Variants in CPEB3 observed in about 807,000 individuals in gnomAD.
CPEB3 encodes cytoplasmic polyadenylation element binding protein 3, also known as cytoplasmic polyadenylation element-binding protein 3.
A neutral mutation model predicts 67.2 loss-of-function variants in CPEB3; 20 were observed. The observed-to-expected ratio is 0.30, with a 90% CI of 0.21 to 0.43. The LOEUF is 0.43. Among genes scored for constraint, CPEB3 ranks in the 20% least tolerant of loss-of-function variants. The pLI is 1.00. For missense variants in CPEB3, 746 were observed against 968.6 expected, an observed-to-expected ratio of 0.77 and a Z score of 3.05; for synonymous variants, 376 against 393.1, an observed-to-expected ratio of 0.96 and a Z score of 0.51.
intron 4 of CPEB3, among the ~76,000 whole-genome samples, chr10:92,168,471 C>G (rs1156414906): frequency 6.6e-6 from 1 of 152,086 alleles, no homozygotes; most frequent in Admixed American, 6.6e-5. Context: ...TTCTAAATAG[C>G]TGATATGGTT....
chr10:92,047,820 G>A lies in CPEB3; in HGVS notation c.*4392C>T, dbSNP rs767570875. On this transcript the variant is annotated 3_prime_UTR_variant, in exon 10 of 10. Transcript: ENST00000265997. ...TATTGATGAACCTCGCCTCCATAGCGATGGAGCTGAAAGAGGCCATCAACC... is the reference window on the plus strand; with the variant it reads ...TATTGATGAACCTCGCCTCCATAGCAATGGAGCTGAAAGAGGCCATCAACC... 1.5e-4 allele frequency: 23 copies of A among 152,240 alleles called. No homozygotes were observed. Among genetic ancestry groups the A allele is most frequent in the Non-Finnish European group, 1.5e-5 (1 of 68,038 alleles). The allele number at this position is 152,240 out of a possible 1,614,324, so 9.4% of individuals were successfully genotyped here.
chr10:92,110,994 T>G (rs2133482193), intron 7 of CPEB3, 82 bp downstream of exon 7: 2 of 1,009,188 alleles, frequency 2.0e-6, no homozygotes, highest in Middle Eastern at 2.0e-4. Flanking sequence ...TTACCAGCAT[T>G]TCCATTATCA....
intron 1 of CPEB3, among the ~76,000 whole-genome samples, chr10:92,248,782 T>C (rs2134762149): frequency 6.6e-6 from 1 of 152,276 alleles, no homozygotes; most frequent in Admixed American, 6.5e-5. Flanking sequence ...AAATTGTTTC[T>C]CCAAGATTAT....
Position 92,228,447 on chromosome 10 carries a change from C to T in CPEB3, c.1005+10899G>A, listed in dbSNP as rs533387531. On this transcript the variant is annotated intron_variant, in intron 2 of 9. Coordinates refer to ENST00000265997, the MANE Select transcript of CPEB3 (RefSeq NM_014912.5). ...GGTGCTTCTAGATACATTTACCTCT[C>T]GTCTCCTTTAGTTGCTGCTTATCTG... Among the ~76,000 whole-genome samples the T allele has an allele frequency of 1.1e-3, 160 of 152,202 alleles. 1 individual carries two copies. The highest frequency in any genetic ancestry group is 3.7e-3 in the African/African-American group (155 of 41,542).
intron 4 of CPEB3, among the ~76,000 whole-genome samples, chr10:92,177,070 AAAAAAG>A (rs1397240958): frequency 3.3e-5 from 5 of 152,248 alleles, no homozygotes; most frequent in African/African-American, 9.6e-5. Flanking sequence ...CCTAGAATGT[AAAAAAG>A]AAAAAGAAAA....
chr10:92,226,894 G>C lies in CPEB3; in HGVS notation c.1005+12452C>G, dbSNP rs567471395. Among the ~76,000 whole-genome samples the C allele has an allele frequency of 3.8e-3, 572 of 152,010 alleles. 3 individuals are homozygous for C. Among genetic ancestry groups the C allele is most frequent in the Middle Eastern group, 0.02 (6 of 294 alleles). On this transcript the variant is annotated intron_variant, in intron 2 of 9. Transcript: ENST00000265997. ...GGGAAGGGATGGAGGGAACAGGGAG[G>C]GGGGAGCGAACCCAGATGTCCGCCC...
Position 92,049,655 on chromosome 10 carries a change from A to G in CPEB3, c.*2557T>C, listed in dbSNP as rs1852216973. On this transcript the variant is annotated 3_prime_UTR_variant, in exon 10 of 10. Coordinates refer to ENST00000265997, the MANE Select transcript of CPEB3 (RefSeq NM_014912.5). ...ATTCACAACTTTCAGCACCAAATGG[A>G]GTTTATTTTTTGTAACCTATTCTTC... The G allele has an allele frequency of 6.6e-6, 1 of 152,602 alleles. No individual in the cohort carries two copies. Among genetic ancestry groups the G allele is most frequent in the African/African-American group, 2.4e-5 (1 of 41,440 alleles). The allele number at this position is 152,602 out of a possible 1,614,324, so 9.5% of individuals were successfully genotyped here. A position where few individuals can be genotyped will look rare whatever the true frequency, so the allele number is the denominator to read the frequency against.
At chr10:92,242,281 T>C (rs1851884577) in intron 1 of CPEB3, among the ~76,000 whole-genome samples, 1 of 152,160 alleles carries the variant, frequency 6.6e-6, no homozygotes, top group African/African-American at 2.4e-5. Flanking sequence ...CAACTCAATA[T>C]AATATACAAC....
intron 6 of CPEB3, among the ~76,000 whole-genome samples, chr10:92,127,964 G>A (rs1263555320): frequency 6.6e-6 from 1 of 152,068 alleles, no homozygotes; most frequent in East Asian, 1.9e-4. Flanking sequence ...GAAGCAAAAA[G>A]GTAAGTTCAC....
intron 4 of CPEB3, among the ~76,000 whole-genome samples, chr10:92,168,005 T>C (rs1234495441): frequency 6.6e-5 from 10 of 152,114 alleles, no homozygotes; most frequent in Non-Finnish European, 4.4e-5. Context: ...TAAAATATTG[T>C]GAGAATTAAC....
chr10:92,061,681 G>A (rs958394205), intron 9 of CPEB3, among the ~76,000 whole-genome samples: 5 of 152,252 alleles, frequency 3.3e-5, no homozygotes, highest in Non-Finnish European at 5.9e-5. Flanking sequence ...GCTGGGAAAC[G>A]TAGTGGGAAG....
At chr10:92,154,885 C>T (rs1305098547) in intron 4 of CPEB3, among the ~76,000 whole-genome samples, 1 of 152,224 alleles carries the variant, frequency 6.6e-6, no homozygotes, top group African/African-American at 2.4e-5. Context: ...AAAACTTTCA[C>T]ATATATTACA....
intron 2 of CPEB3, among the ~76,000 whole-genome samples, chr10:92,231,780 C>T (rs1851280039): frequency 6.6e-6 from 1 of 152,060 alleles, no homozygotes; most frequent in South Asian, 2.1e-4. Context: ...AGTGCAATGG[C>T]GCGATCTCGG....
At chr10:92,286,597 A>AC (rs1373938724) in intron 1 of CPEB3, among the ~76,000 whole-genome samples, 6 of 151,890 alleles carry the variant, frequency 4.0e-5, no homozygotes, top group African/African-American at 1.5e-4. Flanking sequence ...AAAAAAAAAA[A>AC]AAAACATAGG....
At chr10:92,270,103 G>T (rs180749791) in intron 1 of CPEB3, among the ~76,000 whole-genome samples, 9 of 152,268 alleles carry the variant, frequency 5.9e-5, no homozygotes, top group African/African-American at 2.2e-4. Flanking sequence ...GTCACTGAGA[G>T]CCTATGCAAG....
chr10:92,157,900 T>G (rs1309527224), intron 4 of CPEB3, among the ~76,000 whole-genome samples: 1 of 152,062 alleles, frequency 6.6e-6, no homozygotes, highest in Admixed American at 6.6e-5. Flanking sequence ...GATAAATTAT[T>G]TTGCTAAAAT....
intron 9 of CPEB3, among the ~76,000 whole-genome samples, chr10:92,052,910 G>A (rs928914287): frequency 1.1e-4 from 17 of 152,236 alleles, no homozygotes; most frequent in African/African-American, 3.1e-4. Flanking sequence ...CCATAAGCAG[G>A]AGGAGGCAGG....
At chr10:92,085,446 T>C (rs1332523338) in intron 8 of CPEB3, among the ~76,000 whole-genome samples, 2 of 152,150 alleles carry the variant, frequency 1.3e-5, no homozygotes, top group African/African-American at 4.8e-5. Flanking sequence ...GCTCTTGTGA[T>C]GAGCGTCACT....
At chr10:92,187,345 C>G (rs1432703578) in intron 3 of CPEB3, among the ~76,000 whole-genome samples, 5 of 152,160 alleles carry the variant, frequency 3.3e-5, no homozygotes, top group African/African-American at 1.2e-4. Context: ...TTTCACTTTT[C>G]AAATCTCAGT....
Sources: gnomAD v4.1 joint callset for allele counts (sites outside exome capture counted in the v4.1 genomes callset) on GRCh38, gnomAD v4.1.1 for gene constraint, MANE v1.5 for transcripts, NCBI Gene and HGNC (gene_info 2026-07-23, HGNC 2026-07-21) for gene names.